Variants in CEP85L observed in about 807,000 individuals in gnomAD.
CEP85L encodes the protein centrosomal protein of 85 kDa-like.
In CEP85L, 60 loss-of-function variants were observed where a neutral mutation model predicts 100.3. The ratio of observed to expected loss-of-function variants is 0.60; its 90% CI spans 0.49 to 0.74. The LOEUF (loss-of-function observed/expected upper bound fraction) is 0.74. CEP85L is among the 30% of genes least tolerant of loss of function. The pLI is 0.00. For missense variants in CEP85L, 973 were observed against 936.2 expected (o/e 1.04, Z -0.51); for synonymous variants, 319 against 322.7 (o/e 0.99, Z 0.12).
intron 6 of CEP85L, among the ~76,000 whole-genome samples, chr6:118,488,554 G>A (rs546999826): frequency 9.2e-5 from 14 of 152,026 alleles, no homozygotes; most frequent in Middle Eastern, 3.4e-3. Context: ...ACCATTAAGC[G>A]GACAAATATA....
At chr6:118,608,924 C>G (rs2115213741) in intron 2 of CEP85L, among the ~76,000 whole-genome samples, 1 of 152,224 alleles carries the variant, frequency 6.6e-6, no homozygotes, top group African/African-American at 2.4e-5. Flanking sequence ...CCCATAGAAG[C>G]CTTCTTTACT....
intron 1 of CEP85L, among the ~76,000 whole-genome samples, chr6:118,666,305 C>T (rs2115416605): frequency 6.6e-6 from 1 of 152,228 alleles, no homozygotes; most frequent in East Asian, 1.9e-4. Context: ...TCCTAGAAAT[C>T]AGAAAGCTAT....
rs1583280196 is a variant in CEP85L, at chr6:118,709,999, A to C, written c.-28+37T>G. 3 of 152,228 alleles carry C rather than the reference A, an allele frequency of 2.0e-5. No homozygotes were observed. In the East Asian group the frequency reaches 5.8e-4, roughly 29 times the overall value. 9.4% of individuals were successfully genotyped at this position (152,228 alleles called of 1,614,324 possible). A position where few individuals can be genotyped will look rare whatever the true frequency, so the allele number is the denominator to read the frequency against. On this transcript the variant is annotated intron_variant, in intron 1 of 13. Coordinates refer to the CEP85L transcript ENST00000368488. ...TTTGTCATCATCTTTAAGAGAAAAA[A>C]AAAGGAAAATGCTCCACAATTGGAG... is the stretch of plus-strand genomic sequence containing the variant.
intron 1 of CEP85L, among the ~76,000 whole-genome samples, chr6:118,673,872 T>G (rs1172778078): frequency 6.6e-6 from 1 of 151,736 alleles, no homozygotes; most frequent in Admixed American, 6.6e-5. Context: ...CGTGAAAGAG[T>G]TAATAATAAA....
intron 5 of CEP85L, among the ~76,000 whole-genome samples, chr6:118,507,576 G>A (rs949527479): frequency 2.0e-5 from 3 of 152,070 alleles, no homozygotes; most frequent in South Asian, 2.1e-4. Context: ...GATATCACTC[G>A]GCCCTTGCTT....
At chr6:118,616,288 G>A (rs529053172) in intron 2 of CEP85L, among the ~76,000 whole-genome samples, 2 of 152,138 alleles carry the variant, frequency 1.3e-5, no homozygotes, top group East Asian at 3.9e-4. Flanking sequence ...CACTTAGAGA[G>A]GCAGAGGCTG....
At chr6:118,590,415 A>T (rs1449475727) in intron 2 of CEP85L, among the ~76,000 whole-genome samples, 1 of 152,172 alleles carries the variant, frequency 6.6e-6, no homozygotes, top group Non-Finnish European at 1.5e-5. Context: ...TTCCTGCCTC[A>T]ACTTCTTGTC....
chr6:118,699,961 C>T (rs368946862), intron 1 of CEP85L, among the ~76,000 whole-genome samples: 9 of 152,306 alleles, frequency 5.9e-5, no homozygotes, highest in African/African-American at 2.2e-4. Flanking sequence ...TCCCAAAGTG[C>T]TGGGATTACA....
At position 118,578,694 on chromosome 6, in the gene CEP85L, A is replaced by C. The variant is rs375489560; in HGVS notation, c.233-12378T>G. Among the ~76,000 whole-genome samples, 7 of 152,082 alleles carry C rather than the reference A, an allele frequency of 4.6e-5. No homozygotes were observed. In the East Asian group the frequency reaches 9.6e-4, roughly 21 times the overall value. On this transcript the variant is annotated intron_variant, in intron 2 of 12. Coordinates refer to ENST00000368491, the MANE Select transcript of CEP85L (RefSeq NM_001042475.3). Reference sequence around the variant, plus strand: ...CCATGAGCCGAGACCGCGCCACTGCACTCCAGCCTGGTGACCGGGCAAGAC... The same window carrying C: ...CCATGAGCCGAGACCGCGCCACTGCCCTCCAGCCTGGTGACCGGGCAAGAC...
chr6:118,595,938 T>C (rs1317358039), intron 2 of CEP85L, among the ~76,000 whole-genome samples: 1 of 152,180 alleles, frequency 6.6e-6, no homozygotes, highest in Non-Finnish European at 1.5e-5. Flanking sequence ...TAAAATATGT[T>C]GTAGATACAA....
intron 1 of CEP85L, among the ~76,000 whole-genome samples, chr6:118,637,364 CAGA>C (rs1774559233): frequency 6.6e-6 from 1 of 151,990 alleles, no homozygotes; most frequent in Non-Finnish European, 1.5e-5. Flanking sequence ...CTGACTTTTA[CAGA>C]AGGACACAAA....
chr6:118,591,350 C>T (rs1781179476), intron 2 of CEP85L, among the ~76,000 whole-genome samples: 1 of 151,674 alleles, frequency 6.6e-6, no homozygotes, highest in Admixed American at 6.6e-5. Flanking sequence ...TCCCACCCTG[C>T]CTTTTCTGTG....
chr6:118,466,220 T>A (rs766780450), intron 12 of CEP85L, among the ~76,000 whole-genome samples: 2 of 152,222 alleles, frequency 1.3e-5, no homozygotes, highest in Non-Finnish European at 2.9e-5. Flanking sequence ...TTTGTAAGCA[T>A]ATCTCAACAT....
chr6:118,624,717 T>C (rs1773670852), intron 2 of CEP85L, among the ~76,000 whole-genome samples: 1 of 152,264 alleles, frequency 6.6e-6, no homozygotes, highest in Non-Finnish European at 1.5e-5. Context: ...CCAGTCCAAC[T>C]GTCCCGATGC....
intron 1 of CEP85L, among the ~76,000 whole-genome samples, chr6:118,668,125 A>C (rs1193623964): frequency 2.6e-5 from 4 of 152,224 alleles, no homozygotes; most frequent in Admixed American, 2.6e-4. Context: ...TCTGACTTTT[A>C]GGAAGACAGA....
intron 1 of CEP85L, among the ~76,000 whole-genome samples, chr6:118,686,536 ATG>A (rs1342849003): frequency 9.9e-5 from 15 of 152,130 alleles, no homozygotes; most frequent in Middle Eastern, 3.2e-3. Flanking sequence ...ATGTTGTAGC[ATG>A]TGTCAATATT....
chr6:118,565,654 A>ACAT lies in CEP85L; in HGVS notation c.892_894dup (p.Met298dup). 1 of 1,614,214 alleles carries ACAT rather than the reference A, an allele frequency of 6.2e-7. No individual in the cohort carries two copies. The highest frequency in any genetic ancestry group is 8.5e-7 in the Non-Finnish European group (1 of 1,180,034). The stretch of plus-strand genomic sequence containing the variant: ...TTTGTCCGCAGCTGCTCTGTAAGCC[A>ACAT]CATCTGAGTCCTTACGGAAGGCTGA... On this transcript the variant is annotated inframe_insertion, in exon 3 of 13. Transcript: ENST00000368491.
intron 5 of CEP85L, among the ~76,000 whole-genome samples, chr6:118,501,256 C>T (rs1775282061): frequency 6.6e-6 from 1 of 152,220 alleles, no homozygotes; most frequent in South Asian, 2.1e-4. Flanking sequence ...TGCCCACCTC[C>T]CATGCCAGGC....
At chr6:118,585,082 T>C (rs1368438426) in intron 2 of CEP85L, among the ~76,000 whole-genome samples, 1 of 152,198 alleles carries the variant, frequency 6.6e-6, no homozygotes, top group Non-Finnish European at 1.5e-5. Context: ...ACAAGGAATC[T>C]GTAAGGCAGG....
Sources: allele counts gnomAD v4.1 joint callset (sites outside exome capture counted in the v4.1 genomes callset), GRCh38; gene constraint gnomAD v4.1.1; transcripts MANE v1.5; gene names NCBI Gene and HGNC (gene_info 2026-07-23, HGNC 2026-07-21).